Variants in INPP4B observed in about 807,000 individuals in gnomAD.
INPP4B encodes inositol polyphosphate-4-phosphatase type II B.
INPP4B carries 55 observed loss-of-function variants against 122.5 expected under a neutral mutation model. The ratio of observed to expected loss-of-function variants is 0.45; its 90% confidence interval spans 0.36 to 0.56. INPP4B has a LOEUF of 0.56. Among genes scored for constraint, INPP4B ranks in the 20% least tolerant of loss-of-function variants. The pLI is 0.00. For missense variants in INPP4B, 1,000 were observed against 1,097.7 expected, an observed-to-expected ratio of 0.91 and a Z score of 1.26; for synonymous variants, 403 against 388.7, an observed-to-expected ratio of 1.04 and a Z score of -0.43.
intron 7 of INPP4B, among the ~76,000 whole-genome samples, chr4:142,397,288 G>A (rs190197490): frequency 5.5e-4 from 83 of 152,160 alleles, no homozygotes; most frequent in Non-Finnish European, 8.4e-4. Flanking sequence ...AGGGAACCAC[G>A]TAGTACACAT....
intron 2 of INPP4B, among the ~76,000 whole-genome samples, chr4:142,473,932 C>G (rs1169960975): frequency 6.6e-6 from 1 of 152,160 alleles, no homozygotes; most frequent in Non-Finnish European, 1.5e-5. Context: ...CTTGGATAGC[C>G]AGGTGGACAA....
At chr4:142,362,046 G>A (rs972413965) in intron 7 of INPP4B, among the ~76,000 whole-genome samples, 3 of 151,780 alleles carry the variant, frequency 2.0e-5, no homozygotes, top group Admixed American at 2.0e-4. Flanking sequence ...GGTGTCATAA[G>A]TATGACACAG....
chr4:142,031,239 T>G (rs1028782117), intron 25 of INPP4B, among the ~76,000 whole-genome samples: 1 of 152,156 alleles, frequency 6.6e-6, no homozygotes. Flanking sequence ...GGGTGGGATA[T>G]TCTCTATTAG....
chr4:142,713,567 G>T (rs1469076518), intron 2 of INPP4B, among the ~76,000 whole-genome samples: 1 of 152,180 alleles, frequency 6.6e-6, no homozygotes, highest in East Asian at 1.9e-4. Context: ...GGAAGTGATT[G>T]AACATTCTCT....
At chr4:142,295,880 C>T (rs2151036162) in intron 9 of INPP4B, among the ~76,000 whole-genome samples, 1 of 152,014 alleles carries the variant, frequency 6.6e-6, no homozygotes, top group Admixed American at 6.6e-5. Flanking sequence ...TAAATGTGTC[C>T]AGTGAAGCAG....
At chr4:142,428,593 T>G (rs972867997) in intron 5 of INPP4B, among the ~76,000 whole-genome samples, 5 of 152,030 alleles carry the variant, frequency 3.3e-5, no homozygotes, top group Non-Finnish European at 7.4e-5. Context: ...TGGACTGGTC[T>G]CAGAATGCAC....
At chr4:142,078,952 G>A (rs1419693406) in intron 25 of INPP4B, among the ~76,000 whole-genome samples, 3 of 151,922 alleles carry the variant, frequency 2.0e-5, no homozygotes, top group Non-Finnish European at 4.4e-5. Context: ...TTAAAACACT[G>A]ATTTTTAAAA....
At chr4:142,716,359 C>T (rs766174276) in intron 2 of INPP4B, among the ~76,000 whole-genome samples, 1 of 152,202 alleles carries the variant, frequency 6.6e-6, no homozygotes, top group African/African-American at 2.4e-5. Flanking sequence ...TCAAGTATGG[C>T]TAGATTCAGT....
At chr4:142,840,085 C>G (rs143447105) in intron 1 of INPP4B, among the ~76,000 whole-genome samples, 206 of 152,146 alleles carry the variant, frequency 1.4e-3, no homozygotes, top group African/African-American at 4.9e-3. Flanking sequence ...CCAGCTTAAC[C>G]AAGAAGAAAT....
At chr4:142,583,809 C>T (rs1032114508) in intron 2 of INPP4B, among the ~76,000 whole-genome samples, 1 of 152,046 alleles carries the variant, frequency 6.6e-6, no homozygotes, top group African/African-American at 2.4e-5. Flanking sequence ...TGGGGTAATC[C>T]TTTCTTTCCC....
At chr4:142,067,779 G>C (rs1764444173) in intron 25 of INPP4B, among the ~76,000 whole-genome samples, 1 of 152,042 alleles carries the variant, frequency 6.6e-6, no homozygotes, top group Non-Finnish European at 1.5e-5. Context: ...GAAGTTTAGA[G>C]AAAAAAGAGT....
intron 3 of INPP4B, among the ~76,000 whole-genome samples, chr4:142,460,176 C>T (rs1261878028): frequency 6.6e-6 from 1 of 152,058 alleles, no homozygotes; most frequent in South Asian, 2.1e-4. Context: ...ATTTGCAAAT[C>T]CCATTTTAGA....
At chr4:142,274,567 C>A (rs1747458689) in intron 9 of INPP4B, among the ~76,000 whole-genome samples, 1 of 151,592 alleles carries the variant, frequency 6.6e-6, no homozygotes, top group Non-Finnish European at 1.5e-5. Context: ...CACTTATATC[C>A]AAATTAAAAA....
At chr4:142,132,768 T>C (rs771662628) in intron 18 of INPP4B, among the ~76,000 whole-genome samples, 5 of 152,208 alleles carry the variant, frequency 3.3e-5, no homozygotes, top group Non-Finnish European at 5.9e-5. Context: ...AAAACAAACA[T>C]GCTATTATCT....
rs548009252 is a variant in INPP4B at position 142,429,227 on chromosome 4, A to G, written c.92-10T>C. Reference sequence around the variant, plus strand: ...GGAGTCTTCTGGATACCTATAAATAATAGGAGCAAATTCAGATTTTTAAAA... The same window carrying G: ...GGAGTCTTCTGGATACCTATAAATAGTAGGAGCAAATTCAGATTTTTAAAA... On this transcript the variant is annotated splice_polypyrimidine_tract_variant and intron_variant, in intron 4 of 25. Transcript: ENST00000262992. 4 of 1,500,512 alleles carry G rather than the reference A, an allele frequency of 2.7e-6. No homozygotes were observed. In the African/African-American group the frequency reaches 4.2e-5, roughly 16 times the overall value. The allele number at this position is 1,500,512 out of a possible 1,614,324, so 92.9% of individuals were successfully genotyped here.
At chr4:142,586,900 G>T (rs565240640) in intron 2 of INPP4B, among the ~76,000 whole-genome samples, 33 of 152,198 alleles carry the variant, frequency 2.2e-4, no homozygotes, top group African/African-American at 7.7e-4. Flanking sequence ...ACAAAAGCCT[G>T]AAAGTCAAGG....
At chr4:142,139,368 A>C (rs1031716293) in intron 18 of INPP4B, among the ~76,000 whole-genome samples, 1 of 152,178 alleles carries the variant, frequency 6.6e-6, no homozygotes, top group African/African-American at 2.4e-5. Flanking sequence ...GTGCAATGGC[A>C]CAATCTCAGC....
chr4:142,398,404 ATATATATATATATAT>A (rs1800318265), intron 7 of INPP4B, among the ~76,000 whole-genome samples: 9 of 10,710 alleles, frequency 8.4e-4, no homozygotes, highest in African/African-American at 2.1e-3. Context: ...AAAAAAAAAT[ATATATATATATATAT>A]ATATATATAT....
At chr4:142,255,961 T>A (rs1323393746) in intron 11 of INPP4B, among the ~76,000 whole-genome samples, 2 of 144,330 alleles carry the variant, frequency 1.4e-5, no homozygotes, top group Admixed American at 7.0e-5. Flanking sequence ...GAAGTAAAGC[T>A]CTCCTCAGCA....
Sources: allele counts gnomAD v4.1 joint callset (sites outside exome capture counted in the v4.1 genomes callset), GRCh38; gene constraint gnomAD v4.1.1; transcripts MANE v1.5; gene names NCBI Gene and HGNC (gene_info 2026-07-23, HGNC 2026-07-21).